The following CSMD3 variants were observed in gnomAD, a reference collection of about 807,000 sequenced individuals.
CSMD3 encodes the protein CUB and sushi domain-containing protein 3.
CSMD3 carries 177 observed loss-of-function variants against 435.2 expected under a neutral mutation model. The ratio of observed to expected loss-of-function variants is 0.41; its 90% CI spans 0.36 to 0.46. The LOEUF is 0.46. Among genes scored for constraint, CSMD3 ranks in the 20% least tolerant of loss-of-function variants. The pLI, the probability that CSMD3 is intolerant of heterozygous loss-of-function variation, is 0.34. For missense variants in CSMD3, 4,265 were observed against 4,504.6 expected, an observed-to-expected ratio of 0.95 and a Z score of 1.52; for synonymous variants, 1,656 against 1,520.5, an observed-to-expected ratio of 1.09 and a Z score of -2.07.
At position 112,222,978 on chromosome 8, in the gene CSMD3, T is replaced by C. The variant is rs1045664; in HGVS notation, c.*1793A>G. Reference sequence around the variant, plus strand: ...TATTTTGTTTACATTGCACTGAAAATTTACATCATACTTTTACAAAGTTTC... The same window carrying C: ...TATTTTGTTTACATTGCACTGAAAACTTACATCATACTTTTACAAAGTTTC... On this transcript the variant is annotated 3_prime_UTR_variant, in exon 71 of 71. Transcript: ENST00000297405. The C allele has an allele frequency of 0.011, 4,226 of 397,368 alleles. 161 individuals carry two copies. The highest frequency in any genetic ancestry group is 0.079 in the African/African-American group (3,829 of 48,684). 24.6% of individuals were successfully genotyped at this position (397,368 alleles called of 1,614,324 possible).
rs113509186 is a variant in CSMD3 at position 112,314,066 on chromosome 8, A to T, written c.7550-14T>A. ...GAATATTTGGTCCTTTGGGAAGAAA[A>T]TAAAACAATTTAGATAAAGCTAATT... On this transcript the variant is annotated splice_polypyrimidine_tract_variant and intron_variant, in intron 48 of 70. Coordinates refer to ENST00000297405, the MANE Select transcript of CSMD3 (RefSeq NM_198123.2). The T allele has an allele frequency of 2.4e-5, 38 of 1,589,726 alleles. 1 individual carries two copies. In the South Asian group the frequency reaches 4.2e-4, roughly 18 times the overall value.
intron 3 of CSMD3, among the ~76,000 whole-genome samples, chr8:113,245,003 A>G (rs187051695): frequency 2.3e-4 from 35 of 152,264 alleles, no homozygotes; most frequent in Admixed American, 2.6e-4. Context: ...CATGTTTACA[A>G]TCACTGTATC....
At chr8:112,749,931 T>C (rs1236831946) in intron 13 of CSMD3, among the ~76,000 whole-genome samples, 1 of 151,584 alleles carries the variant, frequency 6.6e-6, no homozygotes, top group Non-Finnish European at 1.5e-5. Flanking sequence ...GGCAGAGGGG[T>C]CAGGCAATAA....
At chr8:112,747,939 G>A (rs1220913219) in intron 13 of CSMD3, among the ~76,000 whole-genome samples, 4 of 142,894 alleles carry the variant, frequency 2.8e-5, no homozygotes, top group African/African-American at 1.1e-4. Context: ...CTCCCGCCTG[G>A]GCGACAGAAC....
rs141777016 is a variant in CSMD3 at position 113,104,565 on chromosome 8, AC to A, written c.710-5603del. ...TTCTCATGGAGAAGAAAATTGAGCA[AC>A]TGGGTAAATAACTGGTAAATAACAC... is the stretch of plus-strand genomic sequence containing the variant. On this transcript the variant is annotated intron_variant, in intron 4 of 70. Coordinates refer to ENST00000297405, the MANE Select transcript of CSMD3 (RefSeq NM_198123.2). 5.9e-3 allele frequency among the ~76,000 whole-genome samples: 897 copies of A among 152,232 alleles called. 8 individuals are homozygous for A. Among genetic ancestry groups the A allele is most frequent in the African/African-American group, 0.02 (838 of 41,572 alleles).
chr8:112,939,017 G>A (rs1587717087), intron 9 of CSMD3, among the ~76,000 whole-genome samples: 1 of 152,168 alleles, frequency 6.6e-6, no homozygotes, highest in East Asian at 1.9e-4. Context: ...ATATATGTAT[G>A]TACGTGATAA....
intron 1 of CSMD3, among the ~76,000 whole-genome samples, chr8:113,394,647 TA>T (rs1334889099): frequency 6.6e-6 from 1 of 152,164 alleles, no homozygotes; most frequent in Non-Finnish European, 1.5e-5. Flanking sequence ...AAATAGTTTA[TA>T]AAACTTTGAT....
In CSMD3 at chr8:112,921,700, G is replaced by T. The variant is rs377399711; in HGVS notation, c.1560C>A (p.Gly520=). The change falls in exon 10 of 71, where the codon GGC becomes GGA. Residue 520 remains glycine, a synonymous_variant. Coordinates refer to ENST00000297405, the MANE Select transcript of CSMD3 (RefSeq NM_198123.2). ...TCCGTTGACAGGTGATGCTCTTTGC[G>T]CCCTGTAGGACATAATCTTCATCAC... ...FSCDEDYVLQ[G]AKSITCQRIA... 1 of 1,609,846 alleles carries T rather than the reference G, an allele frequency of 6.2e-7. No individual in the cohort carries two copies. Among genetic ancestry groups the T allele is most frequent in the East Asian group, 2.2e-5 (1 of 44,786 alleles).
rs1158650174 is a variant in CSMD3 at position 112,235,566 on chromosome 8, T to G, written c.10628-1089A>C. Among the ~76,000 whole-genome samples, 3 of 134,226 alleles carry G rather than the reference T, an allele frequency of 2.2e-5. No individual in the cohort carries two copies. The East Asian group carries it at 6.8e-4, about 31-fold the overall frequency. 88.1% of individuals were successfully genotyped at this position (134,226 alleles called of 152,430 possible). On this transcript the variant is annotated intron_variant, in intron 67 of 70. Coordinates refer to ENST00000297405, the MANE Select transcript of CSMD3 (RefSeq NM_198123.2). The stretch of plus-strand genomic sequence containing the variant: ...TTTTACATGGTAAGTGTTCTAAGGG[T>G]AGCTGTAAGCTGGAGGGAAAAAATT...
chr8:113,165,497 A>G (rs1446385051), intron 4 of CSMD3, among the ~76,000 whole-genome samples: 1 of 152,196 alleles, frequency 6.6e-6, no homozygotes, highest in African/African-American at 2.4e-5. Context: ...ACTCAAAGTT[A>G]CACAGAATTT....
At chr8:113,155,646 TA>T (rs1205987395) in intron 4 of CSMD3, among the ~76,000 whole-genome samples, 2 of 152,038 alleles carry the variant, frequency 1.3e-5, no homozygotes, top group African/African-American at 2.4e-5. Context: ...TGTGAATATA[TA>T]TTTGAAATTA....
At chr8:112,736,919 G>GA (rs2077197468) in intron 13 of CSMD3, among the ~76,000 whole-genome samples, 1 of 151,972 alleles carries the variant, frequency 6.6e-6, no homozygotes, top group Non-Finnish European at 1.5e-5. Context: ...TAGGTTCACA[G>GA]AAATAGCTGA....
At chr8:113,156,732 C>CTAAATAAATAAATAAATAAA (rs34302914) in intron 4 of CSMD3, among the ~76,000 whole-genome samples, 1 of 105,742 alleles carries the variant, frequency 9.5e-6, no homozygotes. Context: ...AAAATCTCAC[C>CTAAATAAATAAATAAATAAA]TAAATAAATA....
At chr8:112,820,664 G>C (rs112400375) in intron 12 of CSMD3, among the ~76,000 whole-genome samples, 3,205 of 145,176 alleles carry the variant, frequency 0.022, 59 homozygotes, top group Middle Eastern at 0.05. Flanking sequence ...TTTTTAACTT[G>C]AAGTTCGGGA....
chr8:113,285,218 G>A (rs1368049775), intron 2 of CSMD3, among the ~76,000 whole-genome samples: 4 of 151,222 alleles, frequency 2.6e-5, no homozygotes, highest in Non-Finnish European at 5.9e-5. Context: ...AATTAAAGGT[G>A]AGTAAGGCAA....
At chr8:112,422,695 A>G (rs1002718149) in intron 32 of CSMD3, among the ~76,000 whole-genome samples, 2 of 152,194 alleles carry the variant, frequency 1.3e-5, no homozygotes, top group African/African-American at 4.8e-5. Context: ...TGTCACTCAC[A>G]TGTACACTCC....
At chr8:112,321,558 C>T (rs1318602264) in intron 45 of CSMD3, among the ~76,000 whole-genome samples, 1 of 152,080 alleles carries the variant, frequency 6.6e-6, no homozygotes, top group African/African-American at 2.4e-5. Flanking sequence ...TCATCATCAT[C>T]TAACAAAAAG....
At chr8:112,787,007 G>A (rs1032593275) in intron 13 of CSMD3, among the ~76,000 whole-genome samples, 23 of 152,042 alleles carry the variant, frequency 1.5e-4, no homozygotes, top group African/African-American at 5.6e-4. Context: ...TCCTGTGTTA[G>A]TTGGCTGAGA....
At chr8:112,257,363 A>G (rs1314958333) in intron 61 of CSMD3, among the ~76,000 whole-genome samples, 1 of 152,198 alleles carries the variant, frequency 6.6e-6, no homozygotes, top group East Asian at 1.9e-4. Context: ...AGATGATGTG[A>G]TTGTATATTT....
Sources: allele counts gnomAD v4.1 joint callset (sites outside exome capture counted in the v4.1 genomes callset), GRCh38; gene constraint gnomAD v4.1.1; transcripts MANE v1.5; gene names NCBI Gene and HGNC (gene_info 2026-07-23, HGNC 2026-07-21).